SPOP: variants seen among roughly 807,000 people sequenced by gnomAD.
SPOP encodes speckle-type POZ protein.
A neutral mutation model predicts 45.6 loss-of-function variants in SPOP; 11 were observed. The ratio of observed to expected loss-of-function variants is 0.24; its 90% CI spans 0.15 to 0.40. The LOEUF (loss-of-function observed/expected upper bound fraction) is 0.40. Ranked by LOEUF, SPOP falls within the 10% of genes least tolerant of loss-of-function variation. SPOP has a pLI of 1.00. For missense variants in SPOP, 152 were observed against 465.6 expected (o/e 0.33, Z 6.20); for synonymous variants, 166 against 166.3 (o/e 1.00, Z 0.01).
chr17:49,623,449 G>C (rs1411929815), intron 1 of SPOP, among the ~76,000 whole-genome samples: 1 of 152,172 alleles, frequency 6.6e-6, no homozygotes, highest in Non-Finnish European at 1.5e-5. Context: ...GGTATTTAAA[G>C]TATATCTATG....
intron 1 of SPOP, among the ~76,000 whole-genome samples, chr17:49,673,423 A>G (rs905858810): frequency 1.7e-4 from 26 of 151,262 alleles, no homozygotes; most frequent in Non-Finnish European, 2.5e-4. Flanking sequence ...GGAGAATGGC[A>G]TGAACCCAGG....
chr17:49,634,824 A>C (rs1344477027), intron 1 of SPOP, among the ~76,000 whole-genome samples: 1 of 152,236 alleles, frequency 6.6e-6, no homozygotes, highest in Non-Finnish European at 1.5e-5. Context: ...AGAAAGTCTA[A>C]TTAGTCTTAG....
chr17:49,644,774 AATTT>A (rs776571572), intron 1 of SPOP, among the ~76,000 whole-genome samples: 2 of 152,210 alleles, frequency 1.3e-5, no homozygotes, highest in Non-Finnish European at 1.5e-5. Flanking sequence ...ATATGTATAT[AATTT>A]ATTGTCTAAA....
chr17:49,640,244 C>T (rs572769672), intron 1 of SPOP, among the ~76,000 whole-genome samples: 29 of 151,082 alleles, frequency 1.9e-4, no homozygotes, highest in Non-Finnish European at 2.4e-4. Flanking sequence ...CAGAGTGAGA[C>T]CCCGTCTCAA....
At chr17:49,607,989 G>A in intron 6 of SPOP, 60 bp from the exon 7 acceptor site, 4 of 1,529,724 alleles carry the variant, frequency 2.6e-6, no homozygotes, top group Non-Finnish European at 3.6e-6. Context: ...CTTGGTTGTT[G>A]CCAGTCATGA....
At chr17:49,651,951 G>A (rs947409862) in intron 1 of SPOP, among the ~76,000 whole-genome samples, 5 of 151,844 alleles carry the variant, frequency 3.3e-5, no homozygotes, top group South Asian at 2.1e-4. Flanking sequence ...CCCAGGAGGC[G>A]AAGGTTGCAA....
intron 7 of SPOP, 37 bp downstream of exon 7, chr17:49,607,837 C>G (rs761692119): frequency 5.0e-6 from 8 of 1,584,688 alleles, no homozygotes; most frequent in African/African-American, 2.7e-5. Flanking sequence ...ACTCTAGATA[C>G]CTGGCTAAAC....
intron 1 of SPOP, among the ~76,000 whole-genome samples, chr17:49,663,689 T>C (rs572764214): frequency 6.6e-6 from 1 of 152,320 alleles, no homozygotes; most frequent in Admixed American, 6.5e-5. Flanking sequence ...GAGTTGTGAG[T>C]TGAACTAGCT....
At position 49,649,331 on chromosome 17, in the gene SPOP, G is replaced by A. The variant is rs186569345; in HGVS notation, c.-66-26455C>T. 4.1e-3 allele frequency among the ~76,000 whole-genome samples: 616 copies of A among 151,960 alleles called. 5 individuals carry two copies. The highest frequency in any genetic ancestry group is 0.014 in the African/African-American group (595 of 41,490). On this transcript the variant is annotated intron_variant, in intron 1 of 9. Transcript: ENST00000504102. ...GAGAGCGGACCACCTGAGGTCAGGA[G>A]TTTGAGACCAGCCTGGCCGCCATGG...
chr17:49,602,716 C>T (rs1167406009), intron 8 of SPOP, among the ~76,000 whole-genome samples: 3 of 152,162 alleles, frequency 2.0e-5, no homozygotes, highest in South Asian at 2.1e-4. Flanking sequence ...TGAGGTTAAG[C>T]TTCTCAGGGT....
intron 6 of SPOP, among the ~76,000 whole-genome samples, chr17:49,609,005 T>C (rs2071911129): frequency 6.6e-6 from 1 of 151,436 alleles, no homozygotes; most frequent in Non-Finnish European, 1.5e-5. Context: ...GCCTCCTGAG[T>C]TCAAGCAATT....
At position 49,676,884 on chromosome 17, in the gene SPOP, G is replaced by C. The variant is rs376915495; in HGVS notation, c.-67+1049C>G. Among the ~76,000 whole-genome samples, 12 of 152,270 alleles carry C rather than the reference G, an allele frequency of 7.9e-5. No homozygotes were observed. In the East Asian group the frequency reaches 2.3e-3, roughly 29 times the overall value. ...ACATTTCTTTTTGTTATCTGCCAAC[G>C]TGAAAGAAACATCACATTACTTAAA... is the stretch of plus-strand genomic sequence containing the variant. On this transcript the variant is annotated intron_variant, in intron 1 of 9. Coordinates refer to ENST00000504102, the MANE Select transcript of SPOP (RefSeq NM_001007228.2).
chr17:49,655,703 T>C (rs1032381365), intron 1 of SPOP, among the ~76,000 whole-genome samples: 1 of 152,150 alleles, frequency 6.6e-6, no homozygotes, highest in African/African-American at 2.4e-5. Context: ...AGATAAATGT[T>C]GATGGATAAT....
rs1389640010 is a variant in SPOP at position 49,611,327 on chromosome 17, A to G, written c.611T>C (p.Leu204Ser). Residue 204 changes from leucine (L) to serine (S), a missense_variant, in exon 6 of 10, where the codon TTG (leucine) becomes TCG (serine). Physicochemically the swap from Leu to Ser is moderately radical, Grantham distance 145. Transcript: ENST00000504102. ...CTGGAATTCCTGGCCGGCAACACACAAGCAGCAGTCTGTGAACCGGGAATT... is the reference window on the plus strand; with the variant it reads ...CTGGAATTCCTGGCCGGCAACACACGAGCAGCAGTCTGTGAACCGGGAATT... ...WENSRFTDCC[L>S]CVAGQEFQAH... 1 of 1,614,188 alleles carries G rather than the reference A, an allele frequency of 6.2e-7. No homozygotes were observed. Among genetic ancestry groups the G allele is most frequent in the Admixed American group, 1.7e-5 (1 of 60,024 alleles).
intron 3 of SPOP, among the ~76,000 whole-genome samples, chr17:49,620,195 A>C (rs2072191771): frequency 1.3e-5 from 2 of 149,922 alleles, no homozygotes. Flanking sequence ...AAAAAAAAAG[A>C]AATGTGTGGA....
intron 1 of SPOP, among the ~76,000 whole-genome samples, chr17:49,627,077 C>CT (rs1477592113): frequency 4.6e-5 from 7 of 152,178 alleles, no homozygotes; most frequent in African/African-American, 1.7e-4. Context: ...TCTCGATCTC[C>CT]TGACCTCGTG....
At chr17:49,677,466 T>C (rs965412043) in intron 1 of SPOP, among the ~76,000 whole-genome samples, 3 of 152,208 alleles carry the variant, frequency 2.0e-5, no homozygotes, top group African/African-American at 7.2e-5. Context: ...AGCAACAGGC[T>C]CATTATCTGG....
chr17:49,654,154 T>C (rs368621586), intron 1 of SPOP, among the ~76,000 whole-genome samples: 1 of 152,250 alleles, frequency 6.6e-6, no homozygotes, highest in African/African-American at 2.4e-5. Context: ...AGGATACCTA[T>C]TAATGCAGCC....
chr17:49,649,552 G>A (rs1338077908), intron 1 of SPOP, among the ~76,000 whole-genome samples: 2 of 151,564 alleles, frequency 1.3e-5, no homozygotes, highest in Non-Finnish European at 2.9e-5. Context: ...AAAAGAAGAG[G>A]CCGGGCGCGG....
Sources: allele counts gnomAD v4.1 joint callset (sites outside exome capture counted in the v4.1 genomes callset), GRCh38; gene constraint gnomAD v4.1.1; transcripts MANE v1.5; gene names NCBI Gene and HGNC (gene_info 2026-07-23, HGNC 2026-07-21).